CEP41: variants seen among roughly 807,000 people sequenced by gnomAD.
CEP41 encodes the protein centrosomal protein of 41 kDa.
Under a neutral mutation model 44.3 loss-of-function variants are expected in CEP41, and 32 were observed. The ratio of observed to expected loss-of-function variants is 0.72; its 90% CI spans 0.54 to 0.97. CEP41 has a LOEUF of 0.97. Ranked by LOEUF, CEP41 falls within the 50% of genes least tolerant of loss-of-function variation. The pLI is 0.00. For synonymous variants in CEP41, 151 were observed against 168.5 expected, an observed-to-expected ratio of 0.90 and a Z score of 0.80; for missense variants, 432 against 455.2, an observed-to-expected ratio of 0.95 and a Z score of 0.46.
chr7:130,438,061 T>G (rs782178738), intron 1 of CEP41, among the ~76,000 whole-genome samples: 1 of 152,174 alleles, frequency 6.6e-6, no homozygotes, highest in Non-Finnish European at 1.5e-5. Context: ...CCCACACTCC[T>G]AAAACTATTC....
rs782705500 is a variant in CEP41, at chr7:130,398,648, AAAC to A, written c.*240_*242del. 1 of 694,190 alleles carries A rather than the reference AAAC, an allele frequency of 1.4e-6. No individual in the cohort carries two copies. The highest frequency in any genetic ancestry group is 2.6e-6 in the Non-Finnish European group (1 of 379,566). 43.0% of individuals were successfully genotyped at this position (694,190 alleles called of 1,614,324 possible). On this transcript the variant is annotated 3_prime_UTR_variant, in exon 11 of 11. Coordinates refer to ENST00000223208, the MANE Select transcript of CEP41 (RefSeq NM_018718.3). Reference sequence around the variant, plus strand: ...GTTTCACAAGACTTAAATATGCTGTAAACAACAGGGAGGAGACTAGAGCCTGTC... The same window carrying A: ...GTTTCACAAGACTTAAATATGCTGTAAACAGGGAGGAGACTAGAGCCTGTC...
chr7:130,405,174 T>C (rs1385261532), intron 5 of CEP41, among the ~76,000 whole-genome samples: 1 of 152,250 alleles, frequency 6.6e-6, no homozygotes, highest in Non-Finnish European at 1.5e-5. Flanking sequence ...ACATGCTTTT[T>C]TTAATGTTCT....
intron 4 of CEP41, 90 bp downstream of exon 4, chr7:130,412,089 T>C: frequency 1.2e-6 from 1 of 805,978 alleles, no homozygotes; most frequent in Non-Finnish European, 2.2e-6. Flanking sequence ...GAAACTCCTC[T>C]GCAAACTTTC....
At chr7:130,419,581 T>G (rs3735056) in intron 2 of CEP41, 13 of 982,314 alleles carry the variant, frequency 1.3e-5, no homozygotes, top group Non-Finnish European at 1.6e-5. Context: ...CAATTTTTTT[T>G]AAAAAAAATT....
chr7:130,425,513 A>G (rs62471757), intron 2 of CEP41, among the ~76,000 whole-genome samples: 6,021 of 152,312 alleles, frequency 0.04, 172 homozygotes, highest in East Asian at 0.096. Flanking sequence ...AAATGCTGAC[A>G]AGGATGTGGA....
rs1284405347 is a variant in CEP41, at chr7:130,419,258, A to G, written c.98-2292T>C. 4.1e-6 allele frequency: 4 copies of G among 985,132 alleles called. No homozygotes were observed. In the African/African-American group the frequency reaches 7.0e-5, roughly 17 times the overall value. The allele number at this position is 985,132 out of a possible 1,614,324, so 61.0% of individuals were successfully genotyped here. A position where few individuals can be genotyped will look rare whatever the true frequency, so the allele number is the denominator to read the frequency against. ...TCTTTTCACTATAGACATTCATTCTATCCAAGAATGGGGAAAAAAGGAGAA... is the reference window on the plus strand; with the variant it reads ...TCTTTTCACTATAGACATTCATTCTGTCCAAGAATGGGGAAAAAAGGAGAA... On this transcript the variant is annotated intron_variant, in intron 2 of 10. Transcript: ENST00000223208.
intron 1 of CEP41, among the ~76,000 whole-genome samples, chr7:130,432,095 A>AG: frequency 6.6e-6 from 1 of 152,264 alleles, no homozygotes; most frequent in South Asian, 2.1e-4. Flanking sequence ...GAAGATGATG[A>AG]GGGGTCACTG....
At chr7:130,434,434 A>G (rs1209393620) in intron 1 of CEP41, among the ~76,000 whole-genome samples, 2 of 152,250 alleles carry the variant, frequency 1.3e-5, no homozygotes, top group African/African-American at 2.4e-5. Flanking sequence ...AAATATTTGC[A>G]AAGCACATAT....
chr7:130,401,853 C>T lies in CEP41; in HGVS notation c.642+28G>A, dbSNP rs782020669. On this transcript the variant is annotated intron_variant, in intron 8 of 10. Coordinates refer to ENST00000223208, the MANE Select transcript of CEP41 (RefSeq NM_018718.3). ...TGATTCTTACAATCCTCATACCACC[C>T]AATTCCTTAAAATGCAACAAAGGAT... 8 of 1,444,884 alleles carry T rather than the reference C, an allele frequency of 5.5e-6. No homozygotes were observed. In the Admixed American group the frequency reaches 1.2e-4, roughly 21 times the overall value. The allele number at this position is 1,444,884 out of a possible 1,614,324, so 89.5% of individuals were successfully genotyped here. A position where few individuals can be genotyped will look rare whatever the true frequency, so the allele number is the denominator to read the frequency against.
intron 8 of CEP41, 22 bp from the exon 9 acceptor site, chr7:130,400,843 G>A: frequency 3.4e-6 from 5 of 1,492,088 alleles, no homozygotes; most frequent in Non-Finnish European, 4.7e-6. Context: ...ATGAGTTAAG[G>A]TTCCAAGGCA....
In CEP41 at chr7:130,397,513, T is replaced by C; in HGVS notation, c.*1378A>G. The C allele has an allele frequency of 3.0e-6, 1 of 331,914 alleles. No homozygotes were observed. Among genetic ancestry groups the C allele is most frequent in the Non-Finnish European group, 5.8e-6 (1 of 172,056 alleles). The allele number at this position is 331,914 out of a possible 1,614,324, so 20.6% of individuals were successfully genotyped here. ...CTAGAAATACTGTGGTGCATTTTTT[T>C]TTTTTTTTTTTTTTTTTTTTGGTGG... On this transcript the variant is annotated 3_prime_UTR_variant, in exon 11 of 11. Coordinates refer to ENST00000223208, the MANE Select transcript of CEP41 (RefSeq NM_018718.3).
chr7:130,407,912 T>C (rs1324478935), intron 5 of CEP41, among the ~76,000 whole-genome samples: 1 of 152,194 alleles, frequency 6.6e-6, no homozygotes, highest in Non-Finnish European at 1.5e-5. Context: ...CTGTAACACA[T>C]ATGAATTAAG....
rs1554414333 is a variant in CEP41, at chr7:130,395,945, C to G, written c.*2946G>C. ...CCATTTAAATCATTCCATACTTTTTCAAGAGATTGAGCCTGACATTATTAC... is the reference window on the plus strand; with the variant it reads ...CCATTTAAATCATTCCATACTTTTTGAAGAGATTGAGCCTGACATTATTAC... On this transcript the variant is annotated 3_prime_UTR_variant, in exon 11 of 11. Transcript: ENST00000223208. 3 of 451,538 alleles carry G rather than the reference C, an allele frequency of 6.6e-6. 1 individual carries two copies. Among genetic ancestry groups the G allele is most frequent in the South Asian group, 4.7e-5 (3 of 63,518 alleles). 28.0% of individuals were successfully genotyped at this position (451,538 alleles called of 1,614,324 possible). A position where few individuals can be genotyped will look rare whatever the true frequency, so the allele number is the denominator to read the frequency against.
At position 130,394,633 on chromosome 7, in the gene CEP41, G is replaced by C. The variant is rs1479509396; in HGVS notation, c.*4258C>G. 2.2e-6 allele frequency: 1 copy of C among 453,622 alleles called. No individual in the cohort carries two copies. The highest frequency in any genetic ancestry group is 2.0e-5 in the African/African-American group (1 of 49,980). 28.1% of individuals were successfully genotyped at this position (453,622 alleles called of 1,614,324 possible). On this transcript the variant is annotated 3_prime_UTR_variant, in exon 11 of 11. Transcript: ENST00000223208. Reference sequence around the variant, plus strand: ...GGGTTTTGAATGCCTCGCCCACAAAGGCAGGATACACAAGGGGGACAGAAG... The same window carrying C: ...GGGTTTTGAATGCCTCGCCCACAAACGCAGGATACACAAGGGGGACAGAAG...
intron 2 of CEP41, chr7:130,419,288 G>A (rs912584166): frequency 1.0e-6 from 1 of 985,388 alleles, no homozygotes; most frequent in Non-Finnish European, 1.2e-6. Flanking sequence ...GGAGAATGGA[G>A]GATTTCTTCC....
chr7:130,429,146 T>TGG, intron 1 of CEP41, among the ~76,000 whole-genome samples: 1 of 152,196 alleles, frequency 6.6e-6, no homozygotes, highest in South Asian at 2.1e-4. Context: ...TTTATCCATC[T>TGG]CTCCCCTGCA....
intron 5 of CEP41, among the ~76,000 whole-genome samples, chr7:130,408,382 T>C (rs1229137425): frequency 6.6e-6 from 1 of 151,878 alleles, no homozygotes; most frequent in Non-Finnish European, 1.5e-5. Flanking sequence ...TTCAGAACTC[T>C]CACAAACCAA....
chr7:130,405,932 G>A (rs982268892), intron 5 of CEP41, among the ~76,000 whole-genome samples: 22 of 152,102 alleles, frequency 1.4e-4, no homozygotes, highest in Non-Finnish European at 2.9e-5. Flanking sequence ...GACAGACACC[G>A]CAGAAGCAGA....
At chr7:130,427,386 T>C (rs1797695440) in intron 2 of CEP41, among the ~76,000 whole-genome samples, 1 of 152,188 alleles carries the variant, frequency 6.6e-6, no homozygotes, top group Admixed American at 6.5e-5. Context: ...AAATAAGCAG[T>C]TCATTTTACC....
Sources: allele counts gnomAD v4.1 joint callset (sites outside exome capture counted in the v4.1 genomes callset), GRCh38; gene constraint gnomAD v4.1.1; transcripts MANE v1.5; gene names NCBI Gene and HGNC (gene_info 2026-07-23, HGNC 2026-07-21).